The following CHN1 variants were observed in gnomAD, a reference collection of about 807,000 sequenced individuals.
The protein encoded by CHN1 is chimerin 1.
A neutral mutation model predicts 59.5 loss-of-function variants in CHN1; 37 were observed. That is an observed-to-expected ratio of 0.62 (90% CI 0.48 to 0.82). CHN1 has a LOEUF of 0.82. Among genes scored for constraint, CHN1 ranks in the 40% least tolerant of loss-of-function variants. The probability of loss-of-function intolerance (pLI) is 0.00; values close to 1 mark genes in which losing one functional copy is unlikely to be tolerated. For synonymous variants in CHN1, 206 were observed against 200.4 expected, an observed-to-expected ratio of 1.03 and a Z score of -0.24; for missense variants, 469 against 571.0, an observed-to-expected ratio of 0.82 and a Z score of 1.82.
chr2:174,979,524 T>G (rs1574237084), intron 1 of CHN1, among the ~76,000 whole-genome samples: 1 of 152,128 alleles, frequency 6.6e-6, no homozygotes, highest in East Asian at 1.9e-4. Context: ...ATATTTAAGA[T>G]GTACATAGGG....
intron 1 of CHN1, among the ~76,000 whole-genome samples, chr2:175,000,602 C>G (rs909013068): frequency 5.3e-5 from 8 of 152,136 alleles, no homozygotes; most frequent in African/African-American, 1.9e-4. Context: ...TGCCACCACA[C>G]TTGGCTAATA....
At chr2:175,003,536 ATC>A (rs1474743372) in intron 1 of CHN1, among the ~76,000 whole-genome samples, 1 of 152,224 alleles carries the variant, frequency 6.6e-6, no homozygotes. Flanking sequence ...AATGCCAAAT[ATC>A]TCTTTAGGAA....
intron 5 of CHN1, among the ~76,000 whole-genome samples, chr2:174,898,419 G>A (rs1417836469): frequency 1.3e-5 from 2 of 149,080 alleles, no homozygotes; most frequent in Admixed American, 6.7e-5. Flanking sequence ...GGCCAACATG[G>A]TGAAATCCCG....
intron 5 of CHN1, among the ~76,000 whole-genome samples, chr2:174,899,773 A>T (rs1688330323): frequency 6.6e-6 from 1 of 152,206 alleles, no homozygotes; most frequent in African/African-American, 2.4e-5. Flanking sequence ...ATAAGATGTT[A>T]AGAATAATTC....
rs188369378 is a variant in CHN1, at chr2:174,974,344, T to C, written c.20-22142A>G. On this transcript the variant is annotated intron_variant, in intron 1 of 12. Transcript: ENST00000409900. ...TGCATGCTTTACTGCACTAACACTG[T>C]TGGAATGCCCGCAAGGATGCTGAAT... Among the ~76,000 whole-genome samples, 517 of 152,322 alleles carry C rather than the reference T, an allele frequency of 3.4e-3. 4 individuals carry two copies. The highest frequency in any genetic ancestry group is 6.8e-3 in the Middle Eastern group (2 of 294).
chr2:175,002,785 C>T (rs1691931673), intron 1 of CHN1, among the ~76,000 whole-genome samples: 1 of 152,196 alleles, frequency 6.6e-6, no homozygotes, highest in Non-Finnish European at 1.5e-5. Context: ...TCACTACCAT[C>T]TCACAGAACT....
chr2:174,970,777 T>C (rs1427292852), intron 1 of CHN1, among the ~76,000 whole-genome samples: 1 of 152,220 alleles, frequency 6.6e-6, no homozygotes, highest in Non-Finnish European at 1.5e-5. Context: ...TTTAAAAAAC[T>C]ACCACTTGTC....
intron 5 of CHN1, among the ~76,000 whole-genome samples, chr2:174,880,433 T>C (rs1485383620): frequency 6.6e-6 from 1 of 152,132 alleles, no homozygotes; most frequent in Non-Finnish European, 1.5e-5. Flanking sequence ...ACTTTCTTTA[T>C]CTGAAAGGCA....
At chr2:174,858,428 T>C (rs1374520045) in intron 6 of CHN1, among the ~76,000 whole-genome samples, 1 of 152,152 alleles carries the variant, frequency 6.6e-6, no homozygotes, top group Non-Finnish European at 1.5e-5. Context: ...AGACAAAAGA[T>C]TTAACGTTTA....
intron 1 of CHN1, among the ~76,000 whole-genome samples, chr2:174,952,770 G>C (rs1574205412): frequency 6.6e-6 from 1 of 152,346 alleles, no homozygotes; most frequent in East Asian, 1.9e-4. Context: ...TTCAATGGAA[G>C]AGAGTGTATC....
Position 175,005,322 on chromosome 2 carries a change from G to T in CHN1, c.-410C>A. Reference sequence around the variant, plus strand: ...AGCAGCCTCGCACAGCCCCCGGCGGGGCGCGCTCACTCCGCATCCCGCGGC... The same window carrying T: ...AGCAGCCTCGCACAGCCCCCGGCGGTGCGCGCTCACTCCGCATCCCGCGGC... On this transcript the variant is annotated 5_prime_UTR_variant, in exon 1 of 13. Transcript: ENST00000409900. 8.5e-7 allele frequency: 1 copy of T among 1,179,398 alleles called. No individual in the cohort carries two copies. The highest frequency in any genetic ancestry group is 1.1e-6 in the Non-Finnish European group (1 of 935,692). 73.1% of individuals were successfully genotyped at this position (1,179,398 alleles called of 1,614,324 possible). A position where few individuals can be genotyped will look rare whatever the true frequency, so the allele number is the denominator to read the frequency against.
chr2:175,005,012 G>A lies in CHN1; in HGVS notation c.-100C>T. ...CCGCACCCACACCTCGGAGAGAGTG[G>A]GGTGCCCGATGGGGCGTGCTGGGGG... On this transcript the variant is annotated 5_prime_UTR_variant, in exon 1 of 13. Transcript: ENST00000409900. 6.7e-7 allele frequency: 1 copy of A among 1,487,846 alleles called. No homozygotes were observed. The highest frequency in any genetic ancestry group is 1.2e-5 in the South Asian group (1 of 80,422). The allele number at this position is 1,487,846 out of a possible 1,614,324, so 92.2% of individuals were successfully genotyped here. A position where few individuals can be genotyped will look rare whatever the true frequency, so the allele number is the denominator to read the frequency against.
intron 1 of CHN1, among the ~76,000 whole-genome samples, chr2:174,992,207 G>A (rs1691566234): frequency 6.6e-6 from 1 of 152,132 alleles, no homozygotes; most frequent in Non-Finnish European, 1.5e-5. Context: ...AAGAGAGGAT[G>A]GAAGAATAAA....
intron 5 of CHN1, among the ~76,000 whole-genome samples, chr2:174,897,029 T>C (rs912333203): frequency 2.0e-5 from 3 of 152,116 alleles, no homozygotes; most frequent in Non-Finnish European, 2.9e-5. Flanking sequence ...AAGAAAGGGA[T>C]TTCCCCTCCC....
intron 2 of CHN1, among the ~76,000 whole-genome samples, chr2:174,948,833 T>C (rs1203668998): frequency 6.6e-6 from 1 of 152,248 alleles, no homozygotes; most frequent in African/African-American, 2.4e-5. Context: ...ATTTCTATTT[T>C]ATTACCATTT....
intron 3 of CHN1, among the ~76,000 whole-genome samples, chr2:174,941,944 A>G (rs1450480755): frequency 6.6e-6 from 1 of 152,216 alleles, no homozygotes; most frequent in Admixed American, 6.5e-5. Context: ...AGATCAGGGA[A>G]ATGCAAATCA....
intron 3 of CHN1, among the ~76,000 whole-genome samples, chr2:174,923,968 T>C (rs1359867313): frequency 1.3e-5 from 2 of 152,210 alleles, no homozygotes; most frequent in African/African-American, 4.8e-5. Flanking sequence ...TCCTGTATTT[T>C]TATAATTGAA....
At chr2:174,822,579 T>C (rs896586723) in intron 8 of CHN1, among the ~76,000 whole-genome samples, 5 of 152,204 alleles carry the variant, frequency 3.3e-5, no homozygotes, top group African/African-American at 1.2e-4. Flanking sequence ...TAAAAAACTA[T>C]TGCAGAGTAT....
At chr2:174,869,545 G>T (rs564991214) in intron 6 of CHN1, among the ~76,000 whole-genome samples, 1 of 152,142 alleles carries the variant, frequency 6.6e-6, no homozygotes, top group Non-Finnish European at 1.5e-5. Flanking sequence ...GGGCATGAGA[G>T]AATTTTCTGG....
Sources: gnomAD v4.1 joint callset for allele counts (sites outside exome capture counted in the v4.1 genomes callset) on GRCh38, gnomAD v4.1.1 for gene constraint, MANE v1.5 for transcripts, NCBI Gene and HGNC (gene_info 2026-07-23, HGNC 2026-07-21) for gene names.